Variants in RBMS3 observed in about 807,000 individuals in gnomAD.
RBMS3 encodes RNA-binding motif, single-stranded-interacting protein 3.
Under a neutral mutation model 66.8 loss-of-function variants are expected in RBMS3, and 27 were observed. The ratio of observed to expected loss-of-function variants is 0.40; its 90% CI spans 0.30 to 0.56. The LOEUF (loss-of-function observed/expected upper bound fraction) is 0.56, where lower values mean the gene tolerates loss of function less well. Among genes scored for constraint, RBMS3 ranks in the 20% least tolerant of loss-of-function variants. RBMS3 has a pLI of 0.40. For missense variants in RBMS3, 513 were observed against 549.5 expected, an observed-to-expected ratio of 0.93 and a Z score of 0.66; for synonymous variants, 188 against 183.0, an observed-to-expected ratio of 1.03 and a Z score of -0.22.
chr3:29,702,498 C>T (rs1414950547), intron 4 of RBMS3, among the ~76,000 whole-genome samples: 1 of 152,206 alleles, frequency 6.6e-6, no homozygotes, highest in Non-Finnish European at 1.5e-5. Flanking sequence ...CTCTTTCACT[C>T]TGTGGAAGCT....
intron 1 of RBMS3, among the ~76,000 whole-genome samples, chr3:29,327,019 C>T (rs2035379927): frequency 6.6e-6 from 1 of 152,074 alleles, no homozygotes; most frequent in Admixed American, 6.5e-5. Context: ...CGTGAGCCAC[C>T]ACACCCGGCC....
chr3:29,724,043 C>T (rs1315210622), intron 4 of RBMS3, among the ~76,000 whole-genome samples: 2 of 151,498 alleles, frequency 1.3e-5, no homozygotes, highest in African/African-American at 2.4e-5. Context: ...GATTAATGAG[C>T]CCAGTAATAA....
At chr3:29,640,480 A>G (rs2049660167) in intron 4 of RBMS3, among the ~76,000 whole-genome samples, 1 of 138,942 alleles carries the variant, frequency 7.2e-6, no homozygotes, top group South Asian at 2.4e-4. Flanking sequence ...TTAAAATTCT[A>G]TAGGACCAAG....
intron 4 of RBMS3, among the ~76,000 whole-genome samples, chr3:29,739,373 G>A (rs2054527163): frequency 6.6e-6 from 1 of 150,900 alleles, no homozygotes; most frequent in Non-Finnish European, 1.5e-5. Flanking sequence ...GGAGAATGGC[G>A]TGAACCCGGG....
At chr3:29,455,748 G>T (rs2125769645) in intron 2 of RBMS3, among the ~76,000 whole-genome samples, 1 of 151,306 alleles carries the variant, frequency 6.6e-6, no homozygotes, top group Middle Eastern at 3.4e-3. Flanking sequence ...ACACTAGAGA[G>T]CACTTTACCA....
rs974892602 is a variant in RBMS3 at position 30,009,864 on chromosome 3, C to T, written c.*6002C>T. ...TGAGAAAGATGTTTTTTCCTCCTCCCTCAAATATGTTATCTCTTCATATAT... is the reference window on the plus strand; with the variant it reads ...TGAGAAAGATGTTTTTTCCTCCTCCTTCAAATATGTTATCTCTTCATATAT... On this transcript the variant is annotated 3_prime_UTR_variant, in exon 15 of 15. Transcript: ENST00000383767. 1 of 152,040 alleles carries T rather than the reference C, an allele frequency of 6.6e-6. No homozygotes were observed. The highest frequency in any genetic ancestry group is 1.5e-5 in the Non-Finnish European group (1 of 67,996). 9.4% of individuals were successfully genotyped at this position (152,040 alleles called of 1,614,324 possible).
intron 6 of RBMS3, among the ~76,000 whole-genome samples, chr3:29,830,014 G>C (rs1273972284): frequency 2.0e-5 from 3 of 152,008 alleles, no homozygotes; most frequent in Non-Finnish European, 4.4e-5. Flanking sequence ...GGAGCTGTTT[G>C]CGAAAGTCTT....
At chr3:29,646,992 C>T (rs1019314937) in intron 4 of RBMS3, among the ~76,000 whole-genome samples, 1 of 151,952 alleles carries the variant, frequency 6.6e-6, no homozygotes, top group African/African-American at 2.4e-5. Flanking sequence ...CTTTCTTTTC[C>T]CTTGAGACAG....
chr3:29,281,882 T>C, intron 1 of RBMS3, 126 bp downstream of exon 1: 1 of 756,422 alleles, frequency 1.3e-6, no homozygotes, highest in Non-Finnish European at 2.2e-6. Context: ...TCTTTGAAAT[T>C]AGTGACATAC....
intron 4 of RBMS3, among the ~76,000 whole-genome samples, chr3:29,736,370 T>C (rs530100100): frequency 6.6e-6 from 1 of 152,352 alleles, no homozygotes; most frequent in East Asian, 1.9e-4. Flanking sequence ...CAATCCCTTA[T>C]GTACTAAGCT....
rs77107972 is a variant in RBMS3 at position 29,661,454 on chromosome 3, T to C, written c.399+74249T>C. 7.9e-3 allele frequency among the ~76,000 whole-genome samples: 1,199 copies of C among 152,292 alleles called. 9 individuals are homozygous for C. Among genetic ancestry groups the C allele is most frequent in the Non-Finnish European group, 0.014 (934 of 68,014 alleles). ...TAAGTTTGTATAGTATTTTTTTGCC[T>C]CCTGTTTTTGATAGATCTCATTGCA... On this transcript the variant is annotated intron_variant, in intron 4 of 14. Transcript: ENST00000383767.
chr3:29,528,247 G>A (rs2045213874), intron 3 of RBMS3, among the ~76,000 whole-genome samples: 2 of 151,662 alleles, frequency 1.3e-5, no homozygotes, highest in South Asian at 2.1e-4. Flanking sequence ...CAAATAGCTG[G>A]GATTACAGGC....
chr3:29,806,931 G>A (rs1346241176), intron 6 of RBMS3, among the ~76,000 whole-genome samples: 2 of 151,842 alleles, frequency 1.3e-5, no homozygotes, highest in Admixed American at 6.6e-5. Context: ...AGTGGCAATG[G>A]ATTTTTTCCA....
chr3:29,549,667 T>C (rs1436235411), intron 3 of RBMS3, among the ~76,000 whole-genome samples: 1 of 152,110 alleles, frequency 6.6e-6, no homozygotes, highest in Non-Finnish European at 1.5e-5. Flanking sequence ...CCCAAAGTGC[T>C]GGGATTACAG....
chr3:29,870,272 T>G (rs2059458285), intron 7 of RBMS3, among the ~76,000 whole-genome samples: 1 of 152,134 alleles, frequency 6.6e-6, no homozygotes, highest in East Asian at 1.9e-4. Context: ...AGACAACTGA[T>G]GCCTGATAGC....
chr3:29,860,506 A>G (rs1485454140), intron 6 of RBMS3, among the ~76,000 whole-genome samples: 4 of 152,136 alleles, frequency 2.6e-5, no homozygotes, highest in Admixed American at 2.6e-4. Flanking sequence ...TTTCTAAGCT[A>G]AAGGACATTC....
chr3:29,514,146 G>T (rs1013685519), intron 3 of RBMS3, among the ~76,000 whole-genome samples: 1 of 152,150 alleles, frequency 6.6e-6, no homozygotes, highest in East Asian at 1.9e-4. Flanking sequence ...AGTATGTAAG[G>T]AAGGGATTAT....
intron 4 of RBMS3, among the ~76,000 whole-genome samples, chr3:29,619,208 A>C (rs2048780137): frequency 6.6e-6 from 1 of 151,678 alleles, no homozygotes; most frequent in African/African-American, 2.4e-5. Flanking sequence ...GGTGCAGCAA[A>C]CCACCATGGC....
rs775426825 is a variant in RBMS3 at position 29,868,869 on chromosome 3, C to T, written c.649C>T (p.Pro217Ser). 2 of 1,598,018 alleles carry T rather than the reference C, an allele frequency of 1.3e-6. No individual in the cohort carries two copies. The highest frequency in any genetic ancestry group is 2.2e-5 in the East Asian group (1 of 44,632). Reference sequence around the variant, plus strand: ...TCTTATCTTCCCAGCCCCCAGTGAGCCTTTGCTGTGCAAATTCGCTGATGG... The same window carrying T: ...TCTTATCTTCCCAGCCCCCAGTGAGTCTTTGCTGTGCAAATTCGCTGATGG... The part of the protein sequence containing the change: ...TPPGIPAPSE[P>S]LLCKFADGGQ... Residue 217 changes from proline (P) to serine (S), a missense_variant, in exon 7 of 15, where the codon CCT (proline) becomes TCT (serine). Transcript: ENST00000383767.
Sources: allele counts gnomAD v4.1 joint callset (sites outside exome capture counted in the v4.1 genomes callset), GRCh38; gene constraint gnomAD v4.1.1; transcripts MANE v1.5; gene names NCBI Gene and HGNC (gene_info 2026-07-23, HGNC 2026-07-21).